AGPAT3: variants seen among roughly 807,000 people sequenced by gnomAD.
AGPAT3 encodes the protein 1-acyl-sn-glycerol-3-phosphate acyltransferase gamma.
AGPAT3 carries 5 observed loss-of-function variants against 47.3 expected under a neutral mutation model. That is an observed-to-expected ratio of 0.11 (90% confidence interval 0.06 to 0.22). AGPAT3 has a LOEUF of 0.22. Ranked by LOEUF, AGPAT3 falls within the 10% of genes least tolerant of loss-of-function variation. The pLI, the probability that AGPAT3 is intolerant of heterozygous loss-of-function variation, is 1.00. For synonymous variants in AGPAT3, 212 were observed against 208.3 expected, an observed-to-expected ratio of 1.02 and a Z score of -0.15; for missense variants, 315 against 493.0, an observed-to-expected ratio of 0.64 and a Z score of 3.42.
intron 2 of AGPAT3, among the ~76,000 whole-genome samples, chr21:43,909,618 A>T (rs2086586414): frequency 6.6e-6 from 1 of 152,006 alleles, no homozygotes; most frequent in Non-Finnish European, 1.5e-5. Context: ...TTTGAAGAGG[A>T]CTTTAAAGTG....
Position 43,880,478 on chromosome 21 carries a change from CAGG to C in AGPAT3, c.-112+15136_-112+15138del, listed in dbSNP as rs534756678. The stretch of plus-strand genomic sequence containing the variant: ...AAGGTGCTCTGCAGGTCTCTACTGC[CAGG>C]AGCTCAGCTTTGATCTTGAGTGCTG... On this transcript the variant is annotated intron_variant, in intron 1 of 9. Coordinates refer to ENST00000291572, the MANE Select transcript of AGPAT3 (RefSeq NM_020132.5). The surrounding 1 kb of genome is among the most constrained non-coding windows in gnomAD (Gnocchi z 4.5). 4.6e-5 allele frequency among the ~76,000 whole-genome samples: 7 copies of C among 152,332 alleles called. No individual in the cohort carries two copies. The South Asian group carries it at 1.5e-3, about 32-fold the overall frequency.
At position 43,940,582 on chromosome 21, in the gene AGPAT3, C is replaced by T. The variant is rs556377319; in HGVS notation, c.-48-19052C>T. Among the ~76,000 whole-genome samples, 22 of 152,332 alleles carry T rather than the reference C, an allele frequency of 1.4e-4. No homozygotes were observed. In the East Asian group the frequency reaches 2.7e-3, roughly 19 times the overall value. On this transcript the variant is annotated intron_variant, in intron 2 of 9. Coordinates refer to ENST00000291572, the MANE Select transcript of AGPAT3 (RefSeq NM_020132.5). ...TCAGAACATTCCTGAAGGAGCTGAGCGGTTTCATACCATCTGGGCGGTGTT... is the reference window on the plus strand; with the variant it reads ...TCAGAACATTCCTGAAGGAGCTGAGTGGTTTCATACCATCTGGGCGGTGTT...
At chr21:43,938,257 AAGGAACGTACTG>A (rs1023014346) in intron 2 of AGPAT3, among the ~76,000 whole-genome samples, 13 of 151,770 alleles carry the variant, frequency 8.6e-5, no homozygotes, top group South Asian at 6.3e-4. Flanking sequence ...ATTGGGATAG[AAGGAACGTACTG>A]AGGAACGTAC....
rs1054635433 is a variant in AGPAT3, at chr21:43,955,113, C to T, written c.-48-4521C>T. 1.3e-5 allele frequency: 16 copies of T among 1,273,134 alleles called. No individual in the cohort carries two copies. The highest frequency in any genetic ancestry group is 4.8e-5 in the Admixed American group (2 of 42,032). 78.9% of individuals were successfully genotyped at this position (1,273,134 alleles called of 1,614,324 possible). A position where few individuals can be genotyped will look rare whatever the true frequency, so the allele number is the denominator to read the frequency against. Reference sequence around the variant, plus strand: ...AGGGAGCGTATCACCGTGGCACGTCCATGCCGTGGGGGTCACTCAGCAGCC... The same window carrying T: ...AGGGAGCGTATCACCGTGGCACGTCTATGCCGTGGGGGTCACTCAGCAGCC... On this transcript the variant is annotated intron_variant, in intron 2 of 9. Coordinates refer to ENST00000291572, the MANE Select transcript of AGPAT3 (RefSeq NM_020132.5). The surrounding 1 kb of genome is among the most constrained non-coding windows in gnomAD (Gnocchi z 4.1).
chr21:43,980,883 T>C, intron 8 of AGPAT3, 106 bp from the exon 9 acceptor site: 1 of 1,133,398 alleles, frequency 8.8e-7, no homozygotes, highest in South Asian at 1.4e-5. Context: ...GACGTGGCGC[T>C]TTTTTTAGGT....
chr21:43,909,245 G>A (rs1404751828), intron 2 of AGPAT3, among the ~76,000 whole-genome samples: 3 of 151,778 alleles, frequency 2.0e-5, no homozygotes, highest in South Asian at 4.2e-4. Context: ...GCCCCTTCAC[G>A]GCAGGCAGTG....
Position 43,970,999 on chromosome 21 carries a change from GA to G in AGPAT3, c.664+196del, listed in dbSNP as rs2089371182. On this transcript the variant is annotated intron_variant, in intron 6 of 9. Transcript: ENST00000291572. This position sits in a 1 kb window ranked among gnomAD's most constrained non-coding sequence, Gnocchi z 5.8. ...GAGGTGATAAAATGCTAATTCATGA[GA>G]AACAATTAAAATAATAAAAAATACA... Among the ~76,000 whole-genome samples the G allele has an allele frequency of 6.6e-6, 1 of 152,058 alleles. No individual in the cohort carries two copies. Among genetic ancestry groups the G allele is most frequent in the Non-Finnish European group, 1.5e-5 (1 of 68,024 alleles).
At chr21:43,892,751 C>G (rs2086127917) in intron 1 of AGPAT3, among the ~76,000 whole-genome samples, 1 of 152,186 alleles carries the variant, frequency 6.6e-6, no homozygotes, top group African/African-American at 2.4e-5. Context: ...TTGTGAAAGT[C>G]CTAGATGGCA....
chr21:43,889,290 T>G (rs2086050756), intron 1 of AGPAT3, among the ~76,000 whole-genome samples: 2 of 151,406 alleles, frequency 1.3e-5, no homozygotes, highest in East Asian at 3.9e-4. Context: ...TTGTGGGTTT[T>G]TTTTTTTTTT....
intron 1 of AGPAT3, among the ~76,000 whole-genome samples, chr21:43,897,757 GTAA>G (rs1377613235): frequency 1.3e-5 from 2 of 152,224 alleles, no homozygotes; most frequent in Non-Finnish European, 1.5e-5. Flanking sequence ...GGCAGAGGCT[GTAA>G]TCTTAGCACT....
chr21:43,938,520 C>CT (rs1184867138), intron 2 of AGPAT3, among the ~76,000 whole-genome samples: 3 of 151,998 alleles, frequency 2.0e-5, no homozygotes, highest in African/African-American at 7.3e-5. Context: ...TCTCAAACTC[C>CT]TGACCTCAGG....
chr21:43,879,766 G>A lies in AGPAT3; in HGVS notation c.-112+14421G>A, dbSNP rs7277738. Among the ~76,000 whole-genome samples, 1,522 of 152,248 alleles carry A rather than the reference G, an allele frequency of 1.0e-2. 22 individuals are homozygous for A. The highest frequency in any genetic ancestry group is 0.034 in the African/African-American group (1,426 of 41,534). On this transcript the variant is annotated intron_variant, in intron 1 of 9. Coordinates refer to ENST00000291572, the MANE Select transcript of AGPAT3 (RefSeq NM_020132.5). The stretch of plus-strand genomic sequence containing the variant: ...ACTCTGAGTCCTGGCTGGGCCGCCC[G>A]GGGATGATGGCACTTAGGGAAGAGT...
chr21:43,907,704 G>A (rs941803729), intron 2 of AGPAT3, among the ~76,000 whole-genome samples: 8 of 152,270 alleles, frequency 5.3e-5, no homozygotes, highest in African/African-American at 1.2e-4. Flanking sequence ...GCGACAGAGC[G>A]AGACTCCGTC....
At chr21:43,899,318 T>C (rs1335120089) in intron 1 of AGPAT3, among the ~76,000 whole-genome samples, 1 of 152,184 alleles carries the variant, frequency 6.6e-6, no homozygotes, top group South Asian at 2.1e-4. Flanking sequence ...AAGACATCCT[T>C]GTCAGGCCAT....
chr21:43,897,848 A>G (rs1342042396), intron 1 of AGPAT3, among the ~76,000 whole-genome samples: 1 of 152,202 alleles, frequency 6.6e-6, no homozygotes. Flanking sequence ...CAGCCTGGGC[A>G]ACATTGAGTA....
At chr21:43,969,440 C>T (rs540495325) in intron 5 of AGPAT3, among the ~76,000 whole-genome samples, 161 bp downstream of exon 5, 4 of 152,312 alleles carry the variant, frequency 2.6e-5, no homozygotes, top group East Asian at 3.9e-4. Flanking sequence ...GAGCTGCAGG[C>T]GTGGAGGCTT....
Position 43,934,184 on chromosome 21 carries a change from G to A in AGPAT3, c.-48-25450G>A, listed in dbSNP as rs868562658. ...CTCCCCGAGCACCAGCTCCCCTGCC[G>A]AGCACCAGCTCCCATATGCCAGTCC... is the stretch of plus-strand genomic sequence containing the variant. On this transcript the variant is annotated intron_variant, in intron 2 of 9. Coordinates refer to ENST00000291572, the MANE Select transcript of AGPAT3 (RefSeq NM_020132.5). The surrounding 1 kb of genome is among the most constrained non-coding windows in gnomAD (Gnocchi z 4.7). 1.3e-5 allele frequency among the ~76,000 whole-genome samples: 2 copies of A among 152,120 alleles called. No homozygotes were observed. The highest frequency in any genetic ancestry group is 1.5e-5 in the Non-Finnish European group (1 of 68,016).
intron 1 of AGPAT3, among the ~76,000 whole-genome samples, chr21:43,895,588 C>CT (rs200857028): frequency 4.4e-5 from 6 of 135,728 alleles, no homozygotes; most frequent in Non-Finnish European, 6.2e-5. Context: ...CAATTGATCA[C>CT]TTTTTAAAAA....
In AGPAT3 at chr21:43,970,895, A is replaced by C; in HGVS notation, c.664+89A>C. 2 of 1,348,018 alleles carry C rather than the reference A, an allele frequency of 1.5e-6. No individual in the cohort carries two copies. Among genetic ancestry groups the C allele is most frequent in the Non-Finnish European group, 1.9e-6 (2 of 1,032,428 alleles). 83.5% of individuals were successfully genotyped at this position (1,348,018 alleles called of 1,614,324 possible). A position where few individuals can be genotyped will look rare whatever the true frequency, so the allele number is the denominator to read the frequency against. ...AAAAAAAAAAAAATGAGTGCATTCCATGTGAAACACAGAAGAACAGAAGTG... is the reference window on the plus strand; with the variant it reads ...AAAAAAAAAAAAATGAGTGCATTCCCTGTGAAACACAGAAGAACAGAAGTG... On this transcript the variant is annotated intron_variant, in intron 6 of 9. Coordinates refer to ENST00000291572, the MANE Select transcript of AGPAT3 (RefSeq NM_020132.5). This position sits in a 1 kb window ranked among gnomAD's most constrained non-coding sequence, Gnocchi z 5.8.
Sources: allele counts gnomAD v4.1 joint callset (sites outside exome capture counted in the v4.1 genomes callset), GRCh38; gene constraint gnomAD v4.1.1; non-coding constraint Gnocchi (gnomAD v3.1); transcripts MANE v1.5; gene names NCBI Gene and HGNC (gene_info 2026-07-23, HGNC 2026-07-21).